The following CPVL variants were observed in gnomAD, a reference collection of about 807,000 sequenced individuals.
CPVL encodes the protein probable serine carboxypeptidase CPVL.
In CPVL, 51 loss-of-function variants were observed where a neutral mutation model predicts 63.7. The ratio of observed to expected loss-of-function variants is 0.80; its 90% CI spans 0.64 to 1.01. CPVL has a LOEUF of 1.01. Among genes scored for constraint, CPVL ranks in the 50% least tolerant of loss-of-function variants. The probability of loss-of-function intolerance (pLI) is 0.00; values close to 1 mark genes in which losing one functional copy is unlikely to be tolerated. For missense variants in CPVL, 530 were observed against 573.1 expected (o/e 0.92, Z 0.77); for synonymous variants, 195 against 206.0 (o/e 0.95, Z 0.46).
intron 12 of CPVL, among the ~76,000 whole-genome samples, chr7:29,025,754 C>G (rs187431665): frequency 1.4e-3 from 209 of 152,220 alleles, no homozygotes; most frequent in African/African-American, 4.5e-3. Flanking sequence ...TTCAATTTAG[C>G]AAGAGGATAT....
Position 29,070,370 on chromosome 7 carries a change from CTT to C in CPVL, c.864+1401_864+1402del. 2.0e-5 allele frequency among the ~76,000 whole-genome samples: 3 copies of C among 152,306 alleles called. No homozygotes were observed. In the South Asian group the frequency reaches 6.2e-4, roughly 32 times the overall value. On this transcript the variant is annotated intron_variant, in intron 9 of 12. Transcript: ENST00000265394. ...TATGGGCCTCTCAAATGCTCTTGCT[CTT>C]GACAATTGCTTTATCCTGTGTGCTT...
At chr7:29,103,285 G>A (rs1242536489) in intron 3 of CPVL, among the ~76,000 whole-genome samples, 4 of 134,346 alleles carry the variant, frequency 3.0e-5, no homozygotes, top group Non-Finnish European at 3.0e-5. Context: ...TTGCTCTGTC[G>A]CCCATGCTGG....
intron 5 of CPVL, among the ~76,000 whole-genome samples, chr7:29,156,035 A>G (rs536726016): frequency 6.6e-6 from 1 of 152,346 alleles, no homozygotes; most frequent in South Asian, 2.1e-4. Context: ...CTTCCCTTAA[A>G]TCAAAAGAGT....
At chr7:29,071,961 G>C in intron 8 of CPVL, 57 bp from the exon 9 acceptor site, 1 of 1,600,550 alleles carries the variant, frequency 6.2e-7, no homozygotes, top group African/African-American at 1.3e-5. Flanking sequence ...AGACCTTAAG[G>C]AAGCCCATTT....
intron 11 of CPVL, among the ~76,000 whole-genome samples, chr7:29,063,561 ATTATT>A (rs1353546492): frequency 6.6e-6 from 1 of 151,984 alleles, no homozygotes; most frequent in Non-Finnish European, 1.5e-5. Context: ...AAGTGGTTAA[ATTATT>A]TTATTTTATT....
At chr7:29,192,685 T>C (rs960805344) in intron 1 of CPVL, 2 of 152,210 alleles carry the variant, frequency 1.3e-5, no homozygotes, top group South Asian at 4.1e-4. Context: ...TCTTATTTAA[T>C]CTTCACAGCA....
At chr7:29,163,564 T>C (rs1795495659) in intron 5 of CPVL, among the ~76,000 whole-genome samples, 1 of 152,170 alleles carries the variant, frequency 6.6e-6, no homozygotes, top group Non-Finnish European at 1.5e-5. Context: ...TACAATCTTA[T>C]TAAGGTATAA....
intron 1 of CPVL, among the ~76,000 whole-genome samples, chr7:29,130,563 C>T (rs544197721): frequency 2.0e-5 from 3 of 152,154 alleles, no homozygotes; most frequent in Non-Finnish European, 4.4e-5. Flanking sequence ...TATTCTTAGA[C>T]AAGCCCTAAG....
intron 10 of CPVL, among the ~76,000 whole-genome samples, chr7:29,064,929 T>C (rs28522855): frequency 2.4e-5 from 1 of 42,026 alleles, no homozygotes; most frequent in African/African-American, 8.8e-5. Flanking sequence ...AATTAAAAAA[T>C]AAAAAAAACC....
intron 11 of CPVL, among the ~76,000 whole-genome samples, chr7:29,036,227 G>T (rs1788512142): frequency 6.6e-6 from 1 of 152,172 alleles, no homozygotes. Flanking sequence ...GAACTTCCAA[G>T]AGCTTCAGCC....
At chr7:29,096,509 G>T in intron 3 of CPVL, 1 of 461,792 alleles carries the variant, frequency 2.2e-6, no homozygotes, top group Non-Finnish European at 3.9e-6. Context: ...TGTGCATGCT[G>T]CCAGACATCT....
At chr7:29,111,178 T>C (rs953492748) in intron 3 of CPVL, among the ~76,000 whole-genome samples, 22 of 152,260 alleles carry the variant, frequency 1.4e-4, no homozygotes, top group African/African-American at 5.3e-4. Context: ...AAGAAGTTAC[T>C]GCAGATAAAT....
chr7:29,186,761 C>G (rs539442155), intron 1 of CPVL, among the ~76,000 whole-genome samples: 35 of 152,058 alleles, frequency 2.3e-4, no homozygotes, highest in African/African-American at 8.0e-4. Context: ...GCTGAAATTT[C>G]AAGTAAAAAC....
At chr7:29,122,012 A>C (rs979504741) in intron 1 of CPVL, among the ~76,000 whole-genome samples, 92 of 152,180 alleles carry the variant, frequency 6.0e-4, no homozygotes, top group African/African-American at 2.0e-3. Flanking sequence ...TATTCATCTG[A>C]GATTATAATA....
intron 5 of CPVL, among the ~76,000 whole-genome samples, chr7:29,166,071 C>T (rs371377254): frequency 6.6e-6 from 1 of 152,052 alleles, no homozygotes; most frequent in Admixed American, 6.6e-5. Context: ...TCACTCTATG[C>T]CTAGGCTGGA....
intron 11 of CPVL, among the ~76,000 whole-genome samples, chr7:29,043,695 A>T (rs1789345385): frequency 6.6e-6 from 1 of 152,182 alleles, no homozygotes; most frequent in African/African-American, 2.4e-5. Context: ...TGATAATAAT[A>T]ACAGTCATAA....
At chr7:29,035,532 C>T (rs1788438890) in intron 11 of CPVL, among the ~76,000 whole-genome samples, 1 of 152,158 alleles carries the variant, frequency 6.6e-6, no homozygotes, top group African/African-American at 2.4e-5. Flanking sequence ...CACTTTGGCT[C>T]TATGGACAGG....
At chr7:29,043,215 G>C (rs1221553075) in intron 11 of CPVL, among the ~76,000 whole-genome samples, 2 of 148,822 alleles carry the variant, frequency 1.3e-5, no homozygotes, top group Non-Finnish European at 3.0e-5. Context: ...CAAGTGCCTG[G>C]TTACACAGCT....
intron 3 of CPVL, among the ~76,000 whole-genome samples, chr7:29,100,190 C>T (rs924178009): frequency 6.6e-6 from 1 of 152,176 alleles, no homozygotes; most frequent in Admixed American, 6.5e-5. Flanking sequence ...TGAGATGCTG[C>T]GAGTCCAACT....
Sources: allele counts gnomAD v4.1 joint callset (sites outside exome capture counted in the v4.1 genomes callset), GRCh38; gene constraint gnomAD v4.1.1; transcripts MANE v1.5; gene names NCBI Gene and HGNC (gene_info 2026-07-23, HGNC 2026-07-21).